The following PKHD1 variants were observed in gnomAD, a reference collection of about 807,000 sequenced individuals.
PKHD1 encodes fibrocystin.
PKHD1 carries 291 observed loss-of-function variants against 412.0 expected under a neutral mutation model. The observed-to-expected ratio is 0.71, with a 90% CI of 0.64 to 0.78. PKHD1 has a LOEUF of 0.78. Ranked by LOEUF, PKHD1 falls within the 30% of genes least tolerant of loss-of-function variation. The pLI is 0.00. For synonymous variants in PKHD1, 1,777 were observed against 1,821.5 expected, an observed-to-expected ratio of 0.98 and a Z score of 0.62; for missense variants, 4,825 against 4,950.7, an observed-to-expected ratio of 0.97 and a Z score of 0.76.
rs1347873998 is a variant in PKHD1 at position 52,064,874 on chromosome 6, A to C, written c.976+81T>G. On this transcript the variant is annotated intron_variant, in intron 13 of 66. Coordinates refer to ENST00000371117, the MANE Select transcript of PKHD1 (RefSeq NM_138694.4). ...CAGTCAAATAGATGAGAAAGAATTC[A>C]AACACTTTTATTTCTACTCGCCAGC... 3 of 722,866 alleles carry C rather than the reference A, an allele frequency of 4.2e-6. 1 individual carries two copies. The highest frequency in any genetic ancestry group is 7.3e-6 in the Non-Finnish European group (3 of 408,624). The allele number at this position is 722,866 out of a possible 1,614,324, so 44.8% of individuals were successfully genotyped here.
Position 52,055,729 on chromosome 6 carries a change from C to G in PKHD1, c.1694G>C (p.Gly565Ala), listed in dbSNP as rs1333640825. The change falls in exon 19 of 67, where the codon GGC (glycine) becomes GCC (alanine). Residue 565 changes from glycine to alanine, a missense_variant and splice_region_variant. Physicochemically the swap from Gly to Ala is moderately conservative, Grantham distance 60. Transcript: ENST00000371117. Reference sequence around the variant, plus strand: ...CCCATCAGAGTTGGAAACTTCTGGGCCTGGATGCAGTTCAGATAAAATAGA... The same window carrying G: ...CCCATCAGAGTTGGAAACTTCTGGGGCTGGATGCAGTTCAGATAAAATAGA... ...NILLRLGFER[G>A]PEVSNSDGDL... 2 of 1,613,702 alleles carry G rather than the reference C, an allele frequency of 1.2e-6. No homozygotes were observed. The highest frequency in any genetic ancestry group is 2.2e-5 in the South Asian group (2 of 91,046).
chr6:51,684,962 T>TC (rs1364779854), intron 60 of PKHD1, among the ~76,000 whole-genome samples: 2 of 152,128 alleles, frequency 1.3e-5, no homozygotes, highest in African/African-American at 4.8e-5. Context: ...ACACACTGGG[T>TC]CAAAAGCAAA....
intron 33 of PKHD1, among the ~76,000 whole-genome samples, chr6:52,021,844 A>T (rs905641443): frequency 6.6e-6 from 1 of 152,060 alleles, no homozygotes; most frequent in African/African-American, 2.4e-5. Flanking sequence ...TCCATCATTA[A>T]ATTCTCATCC....
At chr6:51,721,225 T>C (rs960385032) in intron 60 of PKHD1, 1 of 951,920 alleles carries the variant, frequency 1.1e-6, no homozygotes. Flanking sequence ...AATTGCAACC[T>C]CCAGCATAAA....
chr6:52,064,796 T>C (rs950677065), intron 13 of PKHD1, among the ~76,000 whole-genome samples, 159 bp downstream of exon 13: 1 of 150,502 alleles, frequency 6.6e-6, no homozygotes, highest in African/African-American at 2.5e-5. Context: ...AGAGCCTTCC[T>C]GAAAGGAGAG....
intron 60 of PKHD1, among the ~76,000 whole-genome samples, chr6:51,695,786 C>T (rs1778730206): frequency 1.3e-5 from 2 of 152,062 alleles, no homozygotes; most frequent in South Asian, 2.1e-4. Flanking sequence ...TTTGTAGAGG[C>T]TAAAAGGTAG....
chr6:51,844,244 A>C (rs548512756), intron 50 of PKHD1, among the ~76,000 whole-genome samples: 2 of 152,304 alleles, frequency 1.3e-5, no homozygotes, highest in South Asian at 4.1e-4. Context: ...GGCATGGAGC[A>C]ATTATAATGC....
At chr6:52,058,175 C>T (rs1189354790) in intron 16 of PKHD1, 148 bp downstream of exon 16, 2 of 740,146 alleles carry the variant, frequency 2.7e-6, no homozygotes, top group Admixed American at 1.9e-5. Flanking sequence ...TAAACATCTT[C>T]ACAATGCTGT....
At chr6:51,718,473 G>A (rs748300313) in intron 60 of PKHD1, among the ~76,000 whole-genome samples, 103 of 152,332 alleles carry the variant, frequency 6.8e-4, no homozygotes, top group Non-Finnish European at 1.1e-3. Context: ...AATGTGAGTT[G>A]TCACTATTGC....
chr6:51,650,500 G>A (rs111686720), intron 61 of PKHD1, among the ~76,000 whole-genome samples: 6 of 152,122 alleles, frequency 3.9e-5, no homozygotes, highest in African/African-American at 1.4e-4. Context: ...TTAAATGTAA[G>A]TCAACTATTC....
intron 41 of PKHD1, among the ~76,000 whole-genome samples, chr6:51,905,402 C>T (rs943175061): frequency 2.0e-5 from 3 of 152,066 alleles, no homozygotes; most frequent in Admixed American, 6.6e-5. Flanking sequence ...TACTGATTGG[C>T]GCTTAAAGAG....
intron 57 of PKHD1, among the ~76,000 whole-genome samples, chr6:51,752,027 T>C (rs1786192880): frequency 1.3e-5 from 2 of 152,178 alleles, no homozygotes; most frequent in South Asian, 2.1e-4. Context: ...TGCTCAGCTG[T>C]AAGAACTGGC....
intron 60 of PKHD1, among the ~76,000 whole-genome samples, chr6:51,680,347 A>G (rs1223770394): frequency 1.3e-5 from 2 of 152,020 alleles, no homozygotes; most frequent in East Asian, 3.9e-4. Context: ...TATCACCTGG[A>G]CCTTGAAATT....
chr6:52,085,014 T>C lies in PKHD1; in HGVS notation c.-81A>G, dbSNP rs1812553312. 3.1e-6 allele frequency: 3 copies of C among 965,992 alleles called. No homozygotes were observed. The highest frequency in any genetic ancestry group is 5.1e-6 in the Non-Finnish European group (3 of 593,156). The allele number at this position is 965,992 out of a possible 1,614,324, so 59.8% of individuals were successfully genotyped here. ...GTTTTGATTGGAGCAGCATAGCTTT[T>C]GTGCTTTATAAAAACAAAAAAAGCA... On this transcript the variant is annotated 5_prime_UTR_variant, in exon 2 of 67. Coordinates refer to ENST00000371117, the MANE Select transcript of PKHD1 (RefSeq NM_138694.4).
At chr6:51,903,787 AC>A (rs1165153617) in intron 42 of PKHD1, 60 bp from the exon 43 acceptor site, 1 of 1,354,700 alleles carries the variant, frequency 7.4e-7, no homozygotes, top group African/African-American at 1.5e-5. Context: ...TCAACTCAAC[AC>A]CCTTGATTCT....
chr6:52,072,205 A>G lies in PKHD1; in HGVS notation c.528-16T>C. 6.5e-7 allele frequency: 1 copy of G among 1,529,896 alleles called. No homozygotes were observed. The highest frequency in any genetic ancestry group is 9.1e-7 in the Non-Finnish European group (1 of 1,104,316). The allele number at this position is 1,529,896 out of a possible 1,614,324, so 94.8% of individuals were successfully genotyped here. ...GATCACTGGGCTGGATTTAAAAAAAAATGAAAACAAAAGACAAGAGATAAT... is the reference window on the plus strand; with the variant it reads ...GATCACTGGGCTGGATTTAAAAAAAGATGAAAACAAAAGACAAGAGATAAT... On this transcript the variant is annotated splice_polypyrimidine_tract_variant and intron_variant, in intron 7 of 66. Transcript: ENST00000371117.
chr6:51,723,751 A>G (rs945390215), intron 60 of PKHD1, among the ~76,000 whole-genome samples: 2 of 152,188 alleles, frequency 1.3e-5, no homozygotes, highest in Non-Finnish European at 2.9e-5. Flanking sequence ...AACATCTTAA[A>G]TCACCAGGTC....
chr6:51,716,627 G>A (rs559631246), intron 60 of PKHD1, among the ~76,000 whole-genome samples: 39 of 152,188 alleles, frequency 2.6e-4, no homozygotes, highest in African/African-American at 8.4e-4. Context: ...CTGGCCACAA[G>A]AGTATATGTA....
chr6:51,674,995 T>C (rs1301009045), intron 60 of PKHD1, among the ~76,000 whole-genome samples: 1 of 152,194 alleles, frequency 6.6e-6, no homozygotes, highest in Non-Finnish European at 1.5e-5. Flanking sequence ...GTATTTTTTA[T>C]TTTTTCAGAG....
Sources: allele counts gnomAD v4.1 joint callset (sites outside exome capture counted in the v4.1 genomes callset), GRCh38; gene constraint gnomAD v4.1.1; transcripts MANE v1.5; gene names NCBI Gene and HGNC (gene_info 2026-07-23, HGNC 2026-07-21).